FLAD1: variants seen among roughly 807,000 people sequenced by gnomAD.
The protein encoded by FLAD1 is bifunctional FAD diphosphatase/FAD synthase.
FLAD1 carries 35 observed loss-of-function variants against 55.0 expected under a neutral mutation model. That is an observed-to-expected ratio of 0.64 (90% CI 0.49 to 0.84). FLAD1 has a LOEUF of 0.84. FLAD1 is among the 40% of genes least tolerant of loss of function. The pLI, the probability that FLAD1 is intolerant of heterozygous loss-of-function variation, is 0.00. For synonymous variants in FLAD1, 267 were observed against 303.0 expected (o/e 0.88, Z 1.23); for missense variants, 665 against 742.6 (o/e 0.90, Z 1.21).
intron 2 of FLAD1, chr1:154,989,137 A>G (rs948626399): frequency 5.9e-6 from 4 of 677,854 alleles, no homozygotes; most frequent in African/African-American, 1.8e-5. Flanking sequence ...GCATGGGGTG[A>G]TGAAAGGAGT....
At chr1:154,992,386 T>C (rs1657916140) in intron 5 of FLAD1, among the ~76,000 whole-genome samples, 1 of 151,514 alleles carries the variant, frequency 6.6e-6, no homozygotes, top group Admixed American at 6.6e-5. Context: ...GAGGTTGCAG[T>C]GAGCCAAGAC....
At position 154,988,380 on chromosome 1, in the gene FLAD1, C is replaced by A. The variant is rs775640575; in HGVS notation, c.648C>A (p.Gly216=). The change falls in exon 2 of 7, where the codon GGC becomes GGA. Residue 216 remains glycine, a synonymous_variant. Transcript: ENST00000292180. The part of the protein sequence containing the change: ...EAATKALGGE[G]WEKLSLVPSS... The stretch of plus-strand genomic sequence containing the variant: ...CCACCAAAGCCCTAGGAGGGGAAGG[C>A]TGGGAGAAGCTATCATTGGTGCCCT... The A allele has an allele frequency of 5.8e-5, 94 of 1,614,062 alleles. No homozygotes were observed. Among genetic ancestry groups the A allele is most frequent in the Non-Finnish European group, 4.3e-5 (51 of 1,180,044 alleles).
At position 154,989,550 on chromosome 1, in the gene FLAD1, T is replaced by C; in HGVS notation, c.1118-10T>C. ...TCCATCTGATGCCCTCTTCCCTGCCTGCTTGGCAGGGTCTTCTTTGGGGAA... is the reference window on the plus strand; with the variant it reads ...TCCATCTGATGCCCTCTTCCCTGCCCGCTTGGCAGGGTCTTCTTTGGGGAA... On this transcript the variant is annotated splice_polypyrimidine_tract_variant and intron_variant, in intron 2 of 6. Coordinates refer to ENST00000292180, the MANE Select transcript of FLAD1 (RefSeq NM_025207.5). 1 of 1,555,428 alleles carries C rather than the reference T, an allele frequency of 6.4e-7. No homozygotes were observed.
intron 5 of FLAD1, chr1:154,992,444 A>G (rs1259464407): frequency 2.2e-6 from 2 of 908,656 alleles, no homozygotes; most frequent in Non-Finnish European, 3.3e-6. Flanking sequence ...CTCCGTCTCA[A>G]AAAAAAAATA....
intron 5 of FLAD1, 120 bp downstream of exon 5, chr1:154,990,648 T>C: frequency 1.0e-6 from 1 of 965,180 alleles, no homozygotes; most frequent in Non-Finnish European, 1.5e-6. Flanking sequence ...GGCCTCATCA[T>C]CCAAGGGAGG....
At position 154,983,595 on chromosome 1, in the gene FLAD1, T is replaced by G; in HGVS notation, c.-100T>G. On this transcript the variant is annotated 5_prime_UTR_variant, in exon 1 of 7. Coordinates refer to ENST00000292180, the MANE Select transcript of FLAD1 (RefSeq NM_025207.5). The stretch of plus-strand genomic sequence containing the variant: ...GGATGCCCAAGGTAGAGCAGACACT[T>G]GAGGAGACCAGCTCAGCAAACGGAA... 2 of 1,310,488 alleles carry G rather than the reference T, an allele frequency of 1.5e-6. No homozygotes were observed. Among genetic ancestry groups the G allele is most frequent in the South Asian group, 1.4e-5 (1 of 71,600 alleles). The allele number at this position is 1,310,488 out of a possible 1,614,324, so 81.2% of individuals were successfully genotyped here. A position where few individuals can be genotyped will look rare whatever the true frequency, so the allele number is the denominator to read the frequency against.
At chr1:154,989,193 G>A (rs1657755511) in intron 2 of FLAD1, among the ~76,000 whole-genome samples, 1 of 152,130 alleles carries the variant, frequency 6.6e-6, no homozygotes, top group Non-Finnish European at 1.5e-5. Context: ...GGTCAGAGAA[G>A]GCCAAATGAC....
At chr1:154,992,525 G>A (rs768671388) in intron 5 of FLAD1, 188 bp from the exon 6 acceptor site, 3 of 1,553,760 alleles carry the variant, frequency 1.9e-6, no homozygotes, top group African/African-American at 1.4e-5. Context: ...AGCAGAGAGT[G>A]GAGAAGATGA....
intron 3 of FLAD1, 96 bp downstream of exon 3, chr1:154,989,803 G>C (rs1482873304): frequency 2.3e-6 from 3 of 1,323,804 alleles, no homozygotes; most frequent in Non-Finnish European, 3.1e-6. Flanking sequence ...TGGAGTTCAA[G>C]AGGGAGATAG....
At chr1:154,984,473 G>A (rs760945455) in intron 1 of FLAD1, among the ~76,000 whole-genome samples, 12 of 151,996 alleles carry the variant, frequency 7.9e-5, no homozygotes, top group Admixed American at 3.3e-4. Flanking sequence ...CAGCACTTTG[G>A]GAGGCCGAGG....
chr1:154,993,104 T>C lies in FLAD1; in HGVS notation c.*67T>C. On this transcript the variant is annotated 3_prime_UTR_variant, in exon 7 of 7. Coordinates refer to ENST00000292180, the MANE Select transcript of FLAD1 (RefSeq NM_025207.5). ...ATAACCTGGCAATAAACCGTGCCTC[T>C]CACTGTGCCTGTTGCTCTAGCTGTG... 6.8e-7 allele frequency: 1 copy of C among 1,460,810 alleles called. No homozygotes were observed. 90.5% of individuals were successfully genotyped at this position (1,460,810 alleles called of 1,614,324 possible).
intron 5 of FLAD1, chr1:154,991,255 TACAC>T (rs531522286): frequency 7.3e-6 from 1 of 136,478 alleles, no homozygotes; most frequent in Non-Finnish European, 1.6e-5. Flanking sequence ...TATATATATA[TACAC>T]ACACACATAC....
chr1:154,989,081 G>A, intron 2 of FLAD1: 1 of 1,075,462 alleles, frequency 9.3e-7, no homozygotes, highest in East Asian at 2.6e-5. Flanking sequence ...TGCTCTTATG[G>A]ACCAGTGTTT....
Position 154,992,694 on chromosome 1 carries a change from T to C in FLAD1, c.1555-19T>C, listed in dbSNP as rs369848433. 1.9e-6 allele frequency: 3 copies of C among 1,614,194 alleles called. No homozygotes were observed. Among genetic ancestry groups the C allele is most frequent in the Non-Finnish European group, 2.5e-6 (3 of 1,180,028 alleles). On this transcript the variant is annotated intron_variant, in intron 5 of 6. Coordinates refer to ENST00000292180, the MANE Select transcript of FLAD1 (RefSeq NM_025207.5). ...GAAAGGTGAGCATTTGTGACTATTC[T>C]ATTACTCTGACCTCCCAGGACTGGA...
intron 1 of FLAD1, among the ~76,000 whole-genome samples, chr1:154,984,339 G>T (rs1213464484): frequency 6.6e-6 from 1 of 152,144 alleles, no homozygotes. Context: ...TTACCAAGCA[G>T]TATGGTAGAG....
Position 154,988,605 on chromosome 1 carries a change from C to T in FLAD1, c.873C>T (p.Ala291=). ...AGCTATATGTGGCTGCTGATGAAGC[C>T]TCCATCGCCCCCATTCTGGCTGAGG... is the stretch of plus-strand genomic sequence containing the variant. ...SKELYVAADE[A]SIAPILAEAQ... The change falls in exon 2 of 7, where the codon GCC becomes GCT. Residue 291 remains alanine (A), a synonymous_variant. Coordinates refer to ENST00000292180, the MANE Select transcript of FLAD1 (RefSeq NM_025207.5). The T allele has an allele frequency of 6.2e-7, 1 of 1,614,236 alleles. No individual in the cohort carries two copies.
At chr1:154,989,892 G>A (rs1435975610) in intron 3 of FLAD1, among the ~76,000 whole-genome samples, 185 bp downstream of exon 3, 1 of 152,142 alleles carries the variant, frequency 6.6e-6, no homozygotes, top group Non-Finnish European at 1.5e-5. Flanking sequence ...GGATGTGCAG[G>A]CCACTATCCC....
chr1:154,988,781 C>G lies in FLAD1; in HGVS notation c.1049C>G (p.Ser350Trp). 1.2e-6 allele frequency: 2 copies of G among 1,614,190 alleles called. No individual in the cohort carries two copies. Among genetic ancestry groups the G allele is most frequent in the Non-Finnish European group, 1.7e-6 (2 of 1,180,032 alleles). ...AYLTARLPQG[S>W]LVPYMPNAVE... is the part of the protein sequence containing the mutation. ...CTGACTGCCCGTTTGCCCCAGGGATCGCTGGTCCCCTACATGCCCAACGCT... is the reference window on the plus strand; with the variant it reads ...CTGACTGCCCGTTTGCCCCAGGGATGGCTGGTCCCCTACATGCCCAACGCT... Residue 350 changes from serine to tryptophan, a missense_variant, in exon 2 of 7, where the codon TCG (serine) becomes TGG (tryptophan). Coordinates refer to ENST00000292180, the MANE Select transcript of FLAD1 (RefSeq NM_025207.5).
chr1:154,987,768 T>G, intron 1 of FLAD1: 1 of 469,380 alleles, frequency 2.1e-6, no homozygotes, highest in Non-Finnish European at 3.7e-6. Context: ...AAGACCCCAT[T>G]TCTACAAAAA....
Sources: gnomAD v4.1 joint callset for allele counts (sites outside exome capture counted in the v4.1 genomes callset) on GRCh38, gnomAD v4.1.1 for gene constraint, MANE v1.5 for transcripts, NCBI Gene and HGNC (gene_info 2026-07-23, HGNC 2026-07-21) for gene names.